The following NINL variants were observed in gnomAD, a reference collection of about 807,000 sequenced individuals.
The protein encoded by NINL is ninein-like protein.
A neutral mutation model predicts 160.3 loss-of-function variants in NINL; 153 were observed. The observed-to-expected ratio is 0.95, with a 90% CI of 0.84 to 1.09. The LOEUF (loss-of-function observed/expected upper bound fraction) is 1.09. Among genes scored for constraint, NINL ranks in the 50% least tolerant of loss-of-function variants. The pLI is 0.00. For missense variants in NINL, 1,829 were observed against 1,764.0 expected, an observed-to-expected ratio of 1.04 and a Z score of -0.66; for synonymous variants, 800 against 734.8, an observed-to-expected ratio of 1.09 and a Z score of -1.43.
chr20:25,462,259 C>T, intron 20 of NINL, 124 bp downstream of exon 20: 1 of 838,730 alleles, frequency 1.2e-6, no homozygotes, highest in Non-Finnish European at 1.8e-6. Context: ...TTCTCCAAGG[C>T]ATGCTTGGGA....
chr20:25,526,071 G>A (rs1349956548), intron 2 of NINL, among the ~76,000 whole-genome samples: 3 of 152,198 alleles, frequency 2.0e-5, no homozygotes, highest in Non-Finnish European at 4.4e-5. Flanking sequence ...AGTGTGAGCT[G>A]CTCACAGGTC....
At chr20:25,533,209 C>T (rs1186798716) in intron 1 of NINL, among the ~76,000 whole-genome samples, 1 of 152,202 alleles carries the variant, frequency 6.6e-6, no homozygotes, top group East Asian at 1.9e-4. Context: ...TGTTCACACA[C>T]ACTCCAATCC....
intron 22 of NINL, among the ~76,000 whole-genome samples, 197 bp downstream of exon 22, chr20:25,458,186 C>G (rs1300279957): frequency 6.6e-6 from 1 of 152,228 alleles, no homozygotes; most frequent in Non-Finnish European, 1.5e-5. Context: ...TCTCAGGGGC[C>G]ACCTGTGAGG....
In NINL at chr20:25,531,107, T is replaced by A. The variant is rs542075737; in HGVS notation, c.-11-4509A>T. ...GACGCATTCTCTTTCTCAGGGATGT[T>A]CCTTGCTGAGAAAAAGAATTCAGCG... On this transcript the variant is annotated intron_variant, in intron 1 of 23. Coordinates refer to ENST00000278886, the MANE Select transcript of NINL (RefSeq NM_025176.6). Among the ~76,000 whole-genome samples the A allele has an allele frequency of 7.9e-5, 12 of 152,302 alleles. No homozygotes were observed. The East Asian group carries it at 2.3e-3, about 29-fold the overall frequency.
intron 1 of NINL, among the ~76,000 whole-genome samples, chr20:25,554,642 A>C (rs148549456): frequency 0.021 from 2,634 of 125,974 alleles, 40 homozygotes; most frequent in Middle Eastern, 0.044. Flanking sequence ...AAAACAAAAA[A>C]AAAAAAAAAA....
rs913706434 is a variant in NINL at position 25,563,843 on chromosome 20, T to C, written c.-12+21612A>G. 1.3e-5 allele frequency among the ~76,000 whole-genome samples: 2 copies of C among 152,342 alleles called. 1 individual carries two copies. Among genetic ancestry groups the C allele is most frequent in the South Asian group, 4.1e-4 (2 of 4,822 alleles). On this transcript the variant is annotated intron_variant, in intron 1 of 23. Transcript: ENST00000278886. ...CAAGAAGACACAGAAATCCTAAATG[T>C]ATACTTGTCCTTAGTGTCAAGAGAT...
rs375919006 is a variant in NINL at position 25,574,917 on chromosome 20, T to C, written c.-12+10538A>G. On this transcript the variant is annotated intron_variant, in intron 1 of 23. Coordinates refer to ENST00000278886, the MANE Select transcript of NINL (RefSeq NM_025176.6). ...TTCATCAAATTTGAGATGCCACTAA[T>C]TCTAAGACAAATGATGACGAAAAAC... Among the ~76,000 whole-genome samples, 10 of 152,168 alleles carry C rather than the reference T, an allele frequency of 6.6e-5. No homozygotes were observed. In the East Asian group the frequency reaches 1.9e-3, roughly 29 times the overall value.
intron 13 of NINL, among the ~76,000 whole-genome samples, chr20:25,486,505 C>T (rs756726563): frequency 6.6e-6 from 1 of 152,192 alleles, no homozygotes; most frequent in Non-Finnish European, 1.5e-5. Flanking sequence ...AAGCCAGCAG[C>T]CCACATGCAG....
At position 25,476,390 on chromosome 20, in the gene NINL, C is replaced by T. The variant is rs769157501; in HGVS notation, c.2901G>A (p.Ser967=). ...MWEPPLRPAA[S]CRGQAERLQA... ...GTAGCCTCTCAGCCTGTCCCCTGCA[C>T]GAAGCGGCCGGCCTCAGGGGTGGCT... Residue 967 remains serine (S), a synonymous_variant, in exon 17 of 24, where the codon TCG becomes TCA. Coordinates refer to ENST00000278886, the MANE Select transcript of NINL (RefSeq NM_025176.6). 1.5e-5 allele frequency: 24 copies of T among 1,605,518 alleles called. No homozygotes were observed. The Middle Eastern group carries it at 1.7e-3, about 111-fold the overall frequency.
At position 25,467,571 on chromosome 20, in the gene NINL, G is replaced by A. The variant is rs530334116; in HGVS notation, c.3354-113C>T. 3.3e-4 allele frequency: 253 copies of A among 763,674 alleles called. 1 individual carries two copies. The South Asian group carries it at 3.3e-3, about 10-fold the overall frequency. 47.3% of individuals were successfully genotyped at this position (763,674 alleles called of 1,614,324 possible). The stretch of plus-strand genomic sequence containing the variant: ...GGGGGTTTGTAGCCACAGCAGAGAC[G>A]CCCACACCTGCCCCTGGCATTCTCC... On this transcript the variant is annotated intron_variant, in intron 18 of 23. Transcript: ENST00000278886.
intron 8 of NINL, chr20:25,499,145 C>T (rs2063817607): frequency 2.0e-6 from 2 of 985,312 alleles, no homozygotes; most frequent in South Asian, 4.7e-5. Context: ...TAGGGGCTGA[C>T]TTTCCACACT....
In NINL at chr20:25,478,932, T is replaced by C; in HGVS notation, c.2192A>G (p.Gln731Arg). Residue 731 changes from glutamine (Q) to arginine (R), a missense_variant, in exon 16 of 24, where the codon CAG becomes CGG. By Grantham distance (43) the Gln-to-Arg change is conservative (BLOSUM62 1). Coordinates refer to ENST00000278886, the MANE Select transcript of NINL (RefSeq NM_025176.6). Reference protein sequence around the residue: ...GLALRHHSHLQQIRREAEAEL... With the variant: ...GLALRHHSHLRQIRREAEAEL... ...AAGAAGCTGGCTGGACCTGATCTGC[T>C]GCAGGTGGCTGTGATGCCGCAGGGC... 1 of 1,545,574 alleles carries C rather than the reference T, an allele frequency of 6.5e-7. No individual in the cohort carries two copies. The highest frequency in any genetic ancestry group is 8.7e-7 in the Non-Finnish European group (1 of 1,148,738).
chr20:25,523,675 C>T (rs1378490596), intron 2 of NINL, among the ~76,000 whole-genome samples: 1 of 151,080 alleles, frequency 6.6e-6, no homozygotes, highest in African/African-American at 2.4e-5. Flanking sequence ...TGGAGTCTTG[C>T]TCTGTCGCCC....
chr20:25,543,614 G>C (rs543705911), intron 1 of NINL, among the ~76,000 whole-genome samples: 1 of 152,202 alleles, frequency 6.6e-6, no homozygotes, highest in South Asian at 2.1e-4. Context: ...CCTTTTCTGC[G>C]TGGTAGATGG....
intron 1 of NINL, among the ~76,000 whole-genome samples, chr20:25,550,498 T>A (rs2064794372): frequency 6.6e-6 from 1 of 151,868 alleles, no homozygotes; most frequent in African/African-American, 2.4e-5. Context: ...CCGGCACTGG[T>A]CTCTGAGTTC....
intron 1 of NINL, chr20:25,540,044 C>G (rs1241682531): frequency 7.8e-7 from 1 of 1,288,628 alleles, no homozygotes; most frequent in South Asian, 1.2e-5. Context: ...GAGGCCTCTT[C>G]AGTTTCTTCT....
rs555996894 is a variant in NINL at position 25,484,558 on chromosome 20, CA to C, written c.1678-2459del. Among the ~76,000 whole-genome samples the C allele has an allele frequency of 1.4e-3, 208 of 152,296 alleles. 1 individual carries two copies. The highest frequency in any genetic ancestry group is 4.7e-3 in the African/African-American group (196 of 41,558). On this transcript the variant is annotated intron_variant, in intron 13 of 23. Coordinates refer to ENST00000278886, the MANE Select transcript of NINL (RefSeq NM_025176.6). ...CAAGCAGCCGAGGACTCTCACTTGC[CA>C]AATCTTGCACAATTTGGGCACGAAA...
intron 1 of NINL, chr20:25,539,909 T>C: frequency 6.1e-6 from 3 of 491,348 alleles, no homozygotes; most frequent in South Asian, 3.5e-5. Flanking sequence ...AAGACATTCA[T>C]CCAGCACTGC....
At chr20:25,533,548 T>A (rs1434326087) in intron 1 of NINL, among the ~76,000 whole-genome samples, 2 of 152,160 alleles carry the variant, frequency 1.3e-5, no homozygotes, top group African/African-American at 4.8e-5. Context: ...ATCAATTCCA[T>A]ACAGTAGTCA....
Sources: allele counts gnomAD v4.1 joint callset (sites outside exome capture counted in the v4.1 genomes callset), GRCh38; gene constraint gnomAD v4.1.1; transcripts MANE v1.5; gene names NCBI Gene and HGNC (gene_info 2026-07-23, HGNC 2026-07-21).